Variants in SLK observed in about 807,000 individuals in gnomAD.
SLK encodes the protein STE20 like kinase, also known as STE20-like serine/threonine-protein kinase.
SLK carries 67 observed loss-of-function variants against 147.7 expected under a neutral mutation model. The ratio of observed to expected loss-of-function variants is 0.45; its 90% CI spans 0.37 to 0.56. The LOEUF (loss-of-function observed/expected upper bound fraction) is 0.56. SLK is among the 20% of genes least tolerant of loss of function. The pLI is 0.00. For missense variants in SLK, 1,136 were observed against 1,438.8 expected, an observed-to-expected ratio of 0.79 and a Z score of 3.41; for synonymous variants, 441 against 475.0, an observed-to-expected ratio of 0.93 and a Z score of 0.93.
intron 1 of SLK, among the ~76,000 whole-genome samples, chr10:103,981,869 T>C (rs1350915197): frequency 3.3e-5 from 5 of 152,186 alleles, no homozygotes; most frequent in Non-Finnish European, 5.9e-5. Context: ...GCAAAAAATG[T>C]CATTGAGATT....
chr10:103,994,137 A>T (rs1268022648), intron 4 of SLK, among the ~76,000 whole-genome samples: 1 of 152,116 alleles, frequency 6.6e-6, no homozygotes, highest in Non-Finnish European at 1.5e-5. Flanking sequence ...GGTGCAAGTG[A>T]TTCTTCTGCC....
chr10:103,996,130 A>C (rs1466445208), intron 4 of SLK, among the ~76,000 whole-genome samples: 1 of 152,172 alleles, frequency 6.6e-6, no homozygotes, highest in Non-Finnish European at 1.5e-5. Context: ...GGGCTCTCTG[A>C]ATTCTTACAT....
chr10:104,008,336 C>G lies in SLK; in HGVS notation c.2764C>G (p.Leu922Val). 1 of 1,608,708 alleles carries G rather than the reference C, an allele frequency of 6.2e-7. No individual in the cohort carries two copies. The highest frequency in any genetic ancestry group is 1.1e-5 in the South Asian group (1 of 89,790). Residue 922 changes from leucine (L) to valine (V), a missense_variant, in exon 12 of 19, where the codon CTG becomes GTG. By Grantham distance (32) the Leu-to-Val change is conservative (BLOSUM62 1). This residue lies in a region of SLK where 327 missense variants were observed against 457.5 expected (regional missense o/e 0.71). Coordinates refer to ENST00000369755, the MANE Select transcript of SLK (RefSeq NM_014720.4). Reference sequence around the variant, plus strand: ...AGAGTTGTCCAAATTTCAGAATATGCTGAAGAACCGAAAGAAGGAGGTAAG... The same window carrying G: ...AGAGTTGTCCAAATTTCAGAATATGGTGAAGAACCGAAAGAAGGAGGTAAG... ...EKELSKFQNM[L>V]KNRKKEVINE...
At chr10:103,975,217 ACTGT>A (rs1364896292) in intron 1 of SLK, among the ~76,000 whole-genome samples, 4 of 151,948 alleles carry the variant, frequency 2.6e-5, no homozygotes, top group African/African-American at 9.6e-5. Context: ...CACACATCCA[ACTGT>A]CTATTAGAGA....
chr10:103,975,446 A>C (rs1451765774), intron 1 of SLK, among the ~76,000 whole-genome samples: 1 of 152,086 alleles, frequency 6.6e-6, no homozygotes, highest in Non-Finnish European at 1.5e-5. Flanking sequence ...AAGGCCTGTT[A>C]ATTCTACCTA....
chr10:103,983,049 G>C (rs532194524), intron 1 of SLK, among the ~76,000 whole-genome samples: 1 of 142,544 alleles, frequency 7.0e-6, no homozygotes, highest in Non-Finnish European at 1.5e-5. Context: ...TCTATGTGAG[G>C]GGTGTGTGTA....
chr10:104,025,470 A>G (rs1325572291), intron 18 of SLK, 104 bp from the exon 19 acceptor site: 3 of 1,115,084 alleles, frequency 2.7e-6, no homozygotes, highest in East Asian at 2.4e-5. Context: ...TGAGGATTAT[A>G]TACAAAGAAA....
Position 104,004,089 on chromosome 10 carries a change from A to G in SLK, c.2349+562A>G, listed in dbSNP as rs531650334. On this transcript the variant is annotated intron_variant, in intron 9 of 18. Coordinates refer to ENST00000369755, the MANE Select transcript of SLK (RefSeq NM_014720.4). ...GTGGGTCCCAAGGATCACTATTTGTAAAAAAAAAAGATCCCACAGAGTTCT... is the reference window on the plus strand; with the variant it reads ...GTGGGTCCCAAGGATCACTATTTGTGAAAAAAAAAGATCCCACAGAGTTCT... Among the ~76,000 whole-genome samples, 8 of 88,216 alleles carry G rather than the reference A, an allele frequency of 9.1e-5. No individual in the cohort carries two copies. The East Asian group carries it at 1.4e-3, about 16-fold the overall frequency. The allele number at this position is 88,216 out of a possible 152,430, so 57.9% of individuals were successfully genotyped here.
intron 1 of SLK, among the ~76,000 whole-genome samples, chr10:103,973,603 C>T (rs1843822431): frequency 6.6e-6 from 1 of 152,164 alleles, no homozygotes; most frequent in East Asian, 1.9e-4. Context: ...TGAGTCTTCC[C>T]ACCTGTGCAT....
chr10:104,025,434 T>TAA, intron 18 of SLK, 140 bp from the exon 19 acceptor site: 1 of 749,732 alleles, frequency 1.3e-6, no homozygotes, highest in Non-Finnish European at 2.1e-6. Flanking sequence ...CTTATGATCT[T>TAA]AAAAAATTGA....
chr10:104,019,652 T>A, intron 15 of SLK, 82 bp from the exon 16 acceptor site: 1 of 1,065,618 alleles, frequency 9.4e-7, no homozygotes, highest in South Asian at 1.4e-5. Flanking sequence ...GAAACAACAA[T>A]AACAAAATGA....
chr10:104,010,950 A>G (rs1844392271), intron 13 of SLK, 42 bp downstream of exon 13: 3 of 1,247,640 alleles, frequency 2.4e-6, no homozygotes, highest in South Asian at 1.5e-5. Flanking sequence ...AGAAAGCACC[A>G]TTTTCTCACA....
At chr10:103,993,257 T>C in intron 4 of SLK, 124 bp downstream of exon 4, 2 of 597,608 alleles carry the variant, frequency 3.3e-6, no homozygotes, top group Non-Finnish European at 5.4e-6. Flanking sequence ...AACTCCATGC[T>C]GGTTTTTAAA....
intron 9 of SLK, 47 bp downstream of exon 9, chr10:104,003,574 C>T (rs1844285263): frequency 6.9e-7 from 1 of 1,442,404 alleles, no homozygotes; most frequent in African/African-American, 1.4e-5. Context: ...GCCATTTTCT[C>T]AATTCAGAGT....
At chr10:103,970,658 T>C (rs1843781261) in intron 1 of SLK, among the ~76,000 whole-genome samples, 1 of 152,228 alleles carries the variant, frequency 6.6e-6, no homozygotes, top group African/African-American at 2.4e-5. Context: ...TGAGGATTTA[T>C]AAACTTCCTT....
At chr10:103,982,940 C>T (rs1020264651) in intron 1 of SLK, among the ~76,000 whole-genome samples, 2 of 152,168 alleles carry the variant, frequency 1.3e-5, no homozygotes, top group African/African-American at 4.8e-5. Context: ...TGGCCTTCCG[C>T]AAGTCACTTA....
At position 103,967,180 on chromosome 10, in the gene SLK, G is replaced by C. The variant is rs1843722617; in HGVS notation, c.-566G>C. 6.6e-6 allele frequency: 1 copy of C among 151,616 alleles called. No individual in the cohort carries two copies. The highest frequency in any genetic ancestry group is 2.0e-4 in the South Asian group (1 of 4,894). The allele number at this position is 151,616 out of a possible 1,614,324, so 9.4% of individuals were successfully genotyped here. A position where few individuals can be genotyped will look rare whatever the true frequency, so the allele number is the denominator to read the frequency against. On this transcript the variant is annotated 5_prime_UTR_variant, in exon 1 of 19. Transcript: ENST00000369755. ...GCGCGCTCCAGGCCGAGGCTGTGTG[G>C]GCTGGGGAGGGAGACAGGCGGCGGC...
In SLK at chr10:104,016,038, G is replaced by A. The variant is rs535249535; in HGVS notation, c.2878-2122G>A. Among the ~76,000 whole-genome samples the A allele has an allele frequency of 4.8e-4, 73 of 152,224 alleles. 3 individuals are homozygous for A. In the South Asian group the frequency reaches 0.015, roughly 32 times the overall value. ...TGTATATAGAAATTTTACAGTTGAGGCTGGGCGCGTTGGCTCACGCTTGTA... is the reference window on the plus strand; with the variant it reads ...TGTATATAGAAATTTTACAGTTGAGACTGGGCGCGTTGGCTCACGCTTGTA... On this transcript the variant is annotated intron_variant, in intron 13 of 18. Transcript: ENST00000369755.
intron 1 of SLK, among the ~76,000 whole-genome samples, chr10:103,983,067 G>A (rs949346401): frequency 3.9e-5 from 6 of 152,146 alleles, no homozygotes; most frequent in African/African-American, 1.4e-4. Context: ...GTATGTGCAT[G>A]GTTTTCCCTA....
Sources: allele counts gnomAD v4.1 joint callset (sites outside exome capture counted in the v4.1 genomes callset), GRCh38; gene constraint gnomAD v4.1.1; regional missense constraint gnomAD v4.1.1; transcripts MANE v1.5; gene names NCBI Gene and HGNC (gene_info 2026-07-23, HGNC 2026-07-21).